SLC35F2: variants seen among roughly 807,000 people sequenced by gnomAD.
SLC35F2 encodes the protein solute carrier family 35 member F2, also known as queuine/queuosine transporter SLC35F2.
In SLC35F2, 25 loss-of-function variants were observed where a neutral mutation model predicts 38.1. The ratio of observed to expected loss-of-function variants is 0.66; its 90% confidence interval spans 0.48 to 0.92. The LOEUF is 0.92. Among genes scored for constraint, SLC35F2 ranks in the 40% least tolerant of loss-of-function variants. SLC35F2 has a pLI of 0.00. For synonymous variants in SLC35F2, 173 were observed against 181.7 expected (o/e 0.95, Z 0.38); for missense variants, 409 against 452.9 (o/e 0.90, Z 0.88).
intron 1 of SLC35F2, among the ~76,000 whole-genome samples, chr11:107,827,539 A>G (rs1859771454): frequency 6.6e-6 from 1 of 152,150 alleles, no homozygotes; most frequent in Non-Finnish European, 1.5e-5. Flanking sequence ...ACCTGAGCTC[A>G]GGAGTTCGAG....
chr11:107,844,978 G>GAAA (rs370512798), intron 1 of SLC35F2, among the ~76,000 whole-genome samples: 3 of 110,662 alleles, frequency 2.7e-5, no homozygotes, highest in Non-Finnish European at 3.9e-5. Flanking sequence ...TCCATCTCAA[G>GAAA]AAAAAAAAAA....
chr11:107,836,878 C>G (rs569469206), intron 1 of SLC35F2, among the ~76,000 whole-genome samples: 3 of 152,314 alleles, frequency 2.0e-5, no homozygotes, highest in Middle Eastern at 3.4e-3. Context: ...TAAAACAACA[C>G]TTGAATCATA....
At chr11:107,827,498 C>A (rs1376233017) in intron 1 of SLC35F2, among the ~76,000 whole-genome samples, 1 of 152,124 alleles carries the variant, frequency 6.6e-6, no homozygotes, top group Admixed American at 6.5e-5. Context: ...CCTGTAATCC[C>A]AGCACTTCAG....
chr11:107,800,049 C>T (rs113259723), intron 7 of SLC35F2, among the ~76,000 whole-genome samples: 9,194 of 148,598 alleles, frequency 0.062, 675 homozygotes, highest in East Asian at 0.28. Flanking sequence ...CCACCATGCC[C>T]GGCTAATTTT....
chr11:107,792,646 T>G lies in SLC35F2; in HGVS notation c.1094A>C (p.Asn365Thr). The change falls in exon 8 of 8, where the codon AAC becomes ACC. Residue 365 changes from asparagine to threonine, a missense_variant. By Grantham distance (65) the Asn-to-Thr change is moderately conservative (BLOSUM62 0). Coordinates refer to ENST00000525815, the MANE Select transcript of SLC35F2 (RefSeq NM_017515.5). ...GACAGCAGAGTGGGTCTCCTGGAGG[T>G]TCTCCTCCAGCTTCAGCCCCAGGTT... ...IDNLGLKLEE[N>T]LQETHSAVL The G allele has an allele frequency of 6.2e-7, 1 of 1,613,244 alleles. No individual in the cohort carries two copies. The highest frequency in any genetic ancestry group is 8.5e-7 in the Non-Finnish European group (1 of 1,179,752).
chr11:107,848,947 TTTTTC>T (rs1860135722), intron 1 of SLC35F2, among the ~76,000 whole-genome samples: 1 of 152,166 alleles, frequency 6.6e-6, no homozygotes, highest in South Asian at 2.1e-4. Context: ...TTTCTTTCTT[TTTTTC>T]TTTTAATTTT....
rs548588152 is a variant in SLC35F2, at chr11:107,801,120, T to C, written c.939+1881A>G. On this transcript the variant is annotated intron_variant, in intron 7 of 7. Coordinates refer to ENST00000525815, the MANE Select transcript of SLC35F2 (RefSeq NM_017515.5). ...GGGGTTTCCCCATGTTGGCCATGGC[T>C]GGTCTCGAACCCTTGACTTCAGGTG... is the stretch of plus-strand genomic sequence containing the variant. 7.2e-5 allele frequency among the ~76,000 whole-genome samples: 11 copies of C among 152,294 alleles called. 1 individual carries two copies. In the South Asian group the frequency reaches 2.3e-3, roughly 32 times the overall value.
At chr11:107,839,062 C>G (rs1859978757) in intron 1 of SLC35F2, among the ~76,000 whole-genome samples, 1 of 152,176 alleles carries the variant, frequency 6.6e-6, no homozygotes, top group Non-Finnish European at 1.5e-5. Flanking sequence ...ATTAGTAAGT[C>G]TACATTTTTC....
intron 6 of SLC35F2, among the ~76,000 whole-genome samples, chr11:107,804,300 T>TGCCTAGGAATATCAGATGACAGGAGCAA (rs1859362061): frequency 2.0e-5 from 3 of 152,192 alleles, no homozygotes; most frequent in Admixed American, 2.0e-4. Context: ...TTTATGCAGA[T>TGCCTAGGAATATCAGATGACAGGAGCAA]GCCTAGGAAT....
chr11:107,841,281 G>A (rs1057376245), intron 1 of SLC35F2, among the ~76,000 whole-genome samples: 26 of 152,168 alleles, frequency 1.7e-4, no homozygotes, highest in African/African-American at 4.6e-4. Context: ...CACTAAGGCC[G>A]GCCGGGTGTG....
At position 107,840,264 on chromosome 11, in the gene SLC35F2, G is replaced by A. The variant is rs531481740; in HGVS notation, c.110+18394C>T. Among the ~76,000 whole-genome samples the A allele has an allele frequency of 1.6e-4, 24 of 152,244 alleles. No homozygotes were observed. In the East Asian group the frequency reaches 3.7e-3, roughly 23 times the overall value. ...CATAGGATTAGGGTTGGTAATAAACGTGCTGCCATTTCACAAGTCTGGATT... is the reference window on the plus strand; with the variant it reads ...CATAGGATTAGGGTTGGTAATAAACATGCTGCCATTTCACAAGTCTGGATT... On this transcript the variant is annotated intron_variant, in intron 1 of 7. Transcript: ENST00000525815.
intron 1 of SLC35F2, among the ~76,000 whole-genome samples, chr11:107,820,419 C>A (rs73001562): frequency 0.034 from 5,104 of 152,062 alleles, 120 homozygotes; most frequent in African/African-American, 0.065. Flanking sequence ...GAGACTGGGG[C>A]CCAGAAGAGA....
At chr11:107,810,845 C>T in intron 3 of SLC35F2, 1 of 980,656 alleles carries the variant, frequency 1.0e-6, no homozygotes, top group South Asian at 4.7e-5. Context: ...TTTCCAGTCC[C>T]TAAAATTTGG....
At chr11:107,810,613 C>T (rs907465778) in intron 3 of SLC35F2, 2 of 985,114 alleles carry the variant, frequency 2.0e-6, no homozygotes, top group Non-Finnish European at 2.4e-6. Flanking sequence ...CTTTTTGTGC[C>T]TCCTATAGTG....
At chr11:107,825,648 T>G (rs60539601) in intron 1 of SLC35F2, among the ~76,000 whole-genome samples, 21,243 of 151,904 alleles carry the variant, frequency 0.14, 3,611 homozygotes, top group African/African-American at 0.41. Context: ...GGGATTACAG[T>G]CGTGAGCCAC....
intron 1 of SLC35F2, chr11:107,816,313 G>C: frequency 2.0e-6 from 2 of 982,000 alleles, no homozygotes; most frequent in Non-Finnish European, 2.4e-6. Context: ...ACAGGGTCTT[G>C]TTCTATTGCT....
At chr11:107,821,081 G>A (rs953811371) in intron 1 of SLC35F2, among the ~76,000 whole-genome samples, 3 of 152,194 alleles carry the variant, frequency 2.0e-5, no homozygotes, top group Admixed American at 6.5e-5. Context: ...TCATGGGGGA[G>A]TTGGATGTCC....
Position 107,792,518 on chromosome 11 carries a change from G to C in SLC35F2, c.*97C>G. ...ACTGGATCCAACCCAGGGTTGTAGA[G>C]TGTCCATTCTGAGTCTGCTATTTCC... On this transcript the variant is annotated 3_prime_UTR_variant, in exon 8 of 8. Coordinates refer to ENST00000525815, the MANE Select transcript of SLC35F2 (RefSeq NM_017515.5). 1.4e-6 allele frequency: 2 copies of C among 1,386,626 alleles called. No homozygotes were observed. Among genetic ancestry groups the C allele is most frequent in the South Asian group, 3.0e-5 (2 of 67,010 alleles). The allele number at this position is 1,386,626 out of a possible 1,614,324, so 85.9% of individuals were successfully genotyped here.
At chr11:107,813,454 A>T in intron 2 of SLC35F2, among the ~76,000 whole-genome samples, 1 of 152,154 alleles carries the variant, frequency 6.6e-6, no homozygotes, top group Middle Eastern at 3.2e-3. Context: ...ACAAGAGCGA[A>T]ACTCCGTCTC....
Sources: allele counts gnomAD v4.1 joint callset (sites outside exome capture counted in the v4.1 genomes callset), GRCh38; gene constraint gnomAD v4.1.1; transcripts MANE v1.5; gene names NCBI Gene and HGNC (gene_info 2026-07-23, HGNC 2026-07-21).